Variants in HCN1 observed in about 807,000 individuals in gnomAD.
The protein encoded by HCN1 is potassium/sodium hyperpolarization-activated cyclic nucleotide-gated channel 1.
In HCN1, 13 loss-of-function variants were observed where a neutral mutation model predicts 78.9. The ratio of observed to expected loss-of-function variants is 0.16; its 90% CI spans 0.11 to 0.26. HCN1 has a LOEUF of 0.26. HCN1 is among the 10% of genes least tolerant of loss of function. The pLI, the probability that HCN1 is intolerant of heterozygous loss-of-function variation, is 1.00. For synonymous variants in HCN1, 552 were observed against 455.5 expected (o/e 1.21, Z -2.70); for missense variants, 810 against 1,154.3 (o/e 0.70, Z 4.32).
intron 6 of HCN1, among the ~76,000 whole-genome samples, chr5:45,286,926 G>A (rs1435309081): frequency 6.6e-6 from 1 of 151,836 alleles, no homozygotes; most frequent in Admixed American, 6.6e-5. Flanking sequence ...TTGCTGAACT[G>A]TTCTGACTGA....
Position 45,374,178 on chromosome 5 carries a change from T to TTATATATTATATACATTATATACATAACA in HCN1, c.1231-20961_1231-20933dup, listed in dbSNP as rs1561130352. ...ATATACATTATATACATAATATATA[T>TTATATATTATATACATTATATACATAACA]TATATATTATATACATTATATACAT... On this transcript the variant is annotated intron_variant, in intron 4 of 7. Coordinates refer to ENST00000303230, the MANE Select transcript of HCN1 (RefSeq NM_021072.4). Among the ~76,000 whole-genome samples, 3 of 110,666 alleles carry TTATATATTATATACATTATATACATAACA rather than the reference T, an allele frequency of 2.7e-5. 1 individual carries two copies. The highest frequency in any genetic ancestry group is 3.6e-5 in the Non-Finnish European group (2 of 55,968). The allele number at this position is 110,666 out of a possible 152,430, so 72.6% of individuals were successfully genotyped here.
chr5:45,496,083 A>C lies in HCN1; in HGVS notation c.850-34076T>G, dbSNP rs1161925049. Among the ~76,000 whole-genome samples, 270 of 152,080 alleles carry C rather than the reference A, an allele frequency of 1.8e-3. 1 individual carries two copies. The highest frequency in any genetic ancestry group is 5.9e-3 in the African/African-American group (243 of 41,492). ...TTCTCTTTTTTGGTTGTGTCTCTGC[A>C]CGGCTTTGGTATCAGAATGATGCTG... On this transcript the variant is annotated intron_variant, in intron 2 of 7. Transcript: ENST00000303230.
intron 2 of HCN1, among the ~76,000 whole-genome samples, chr5:45,493,507 A>T (rs1741941612): frequency 6.6e-6 from 1 of 152,064 alleles, no homozygotes; most frequent in Admixed American, 6.6e-5. Context: ...TTGCAATTTT[A>T]AGTTCCTTTT....
intron 6 of HCN1, among the ~76,000 whole-genome samples, chr5:45,285,605 G>C (rs956216732): frequency 6.6e-6 from 1 of 151,810 alleles, no homozygotes; most frequent in Non-Finnish European, 1.5e-5. Context: ...TCATTTTCAT[G>C]GTCCCTGAGA....
intron 6 of HCN1, among the ~76,000 whole-genome samples, chr5:45,278,134 T>C (rs1366915488): frequency 1.3e-5 from 2 of 152,116 alleles, no homozygotes; most frequent in African/African-American, 2.4e-5. Context: ...AGTGCCTGAC[T>C]CATACACATC....
At chr5:45,615,636 A>G (rs1489307335) in intron 2 of HCN1, among the ~76,000 whole-genome samples, 4 of 152,048 alleles carry the variant, frequency 2.6e-5, no homozygotes, top group Non-Finnish European at 5.9e-5. Flanking sequence ...ATAAAGCTAT[A>G]TTAATGATTT....
rs1270336002 is a variant in HCN1, at chr5:45,397,057, T to C, written c.1012-347A>G. 2.6e-5 allele frequency among the ~76,000 whole-genome samples: 4 copies of C among 152,142 alleles called. No individual in the cohort carries two copies. In the South Asian group the frequency reaches 8.3e-4, roughly 32 times the overall value. ...AGGAAATGTGGTCAAATAGTATTAA[T>C]AATATATTTGCAAGCTATGAAATGC... On this transcript the variant is annotated intron_variant, in intron 3 of 7. Coordinates refer to ENST00000303230, the MANE Select transcript of HCN1 (RefSeq NM_021072.4).
chr5:45,415,999 C>T (rs1261215261), intron 3 of HCN1, among the ~76,000 whole-genome samples: 2 of 151,926 alleles, frequency 1.3e-5, no homozygotes, highest in African/African-American at 4.8e-5. Context: ...AAACCAGTAT[C>T]TCTCCTTAAG....
chr5:45,597,123 T>A (rs904886423), intron 2 of HCN1, among the ~76,000 whole-genome samples: 2 of 152,020 alleles, frequency 1.3e-5, no homozygotes, highest in African/African-American at 2.4e-5. Context: ...AAAAAGAGAA[T>A]TTTTTAGACC....
intron 2 of HCN1, among the ~76,000 whole-genome samples, chr5:45,494,014 G>T (rs1054837641): frequency 2.0e-5 from 3 of 152,058 alleles, no homozygotes; most frequent in Non-Finnish European, 4.4e-5. Context: ...TGGACATTTG[G>T]CTTGGTTCCA....
chr5:45,263,579 C>T (rs1218595929), intron 7 of HCN1, among the ~76,000 whole-genome samples: 3 of 152,108 alleles, frequency 2.0e-5, no homozygotes, highest in Non-Finnish European at 4.4e-5. Context: ...AGGACTGTAT[C>T]AGGTTTTGCT....
At chr5:45,324,803 C>T (rs540161742) in intron 5 of HCN1, among the ~76,000 whole-genome samples, 1 of 151,756 alleles carries the variant, frequency 6.6e-6, no homozygotes, top group African/African-American at 2.4e-5. Flanking sequence ...CAATTATAAT[C>T]TCTACGCTGA....
intron 5 of HCN1, among the ~76,000 whole-genome samples, chr5:45,348,810 C>T (rs927029347): frequency 6.6e-6 from 1 of 152,186 alleles, no homozygotes; most frequent in Non-Finnish European, 1.5e-5. Context: ...ATCAATTCAA[C>T]AAGAAGAGCT....
chr5:45,655,722 A>G (rs1242680641), intron 1 of HCN1, among the ~76,000 whole-genome samples: 1 of 152,076 alleles, frequency 6.6e-6, no homozygotes, highest in Non-Finnish European at 1.5e-5. Flanking sequence ...GCTCAAAGTG[A>G]TAGCTCCCTT....
At chr5:45,647,973 A>G (rs1322636180) in intron 1 of HCN1, among the ~76,000 whole-genome samples, 1 of 152,160 alleles carries the variant, frequency 6.6e-6, no homozygotes, top group African/African-American at 2.4e-5. Flanking sequence ...GTTTTATTTA[A>G]ATACAAGCCA....
chr5:45,396,933 C>T (rs892562473), intron 3 of HCN1, among the ~76,000 whole-genome samples: 1 of 152,136 alleles, frequency 6.6e-6, no homozygotes, highest in Non-Finnish European at 1.5e-5. Context: ...CTTACATGCG[C>T]TTTGTCAGTT....
chr5:45,290,630 C>T (rs1745353686), intron 6 of HCN1, among the ~76,000 whole-genome samples: 1 of 151,932 alleles, frequency 6.6e-6, no homozygotes, highest in African/African-American at 2.4e-5. Flanking sequence ...TTTTATAAAA[C>T]TTATTCAATT....
intron 3 of HCN1, among the ~76,000 whole-genome samples, chr5:45,449,783 A>G (rs191547264): frequency 1.8e-3 from 270 of 152,280 alleles, no homozygotes; most frequent in African/African-American, 6.2e-3. Flanking sequence ...TAGAATATGT[A>G]TCATTCTGCC....
At chr5:45,528,385 G>A (rs949374175) in intron 2 of HCN1, among the ~76,000 whole-genome samples, 3 of 151,906 alleles carry the variant, frequency 2.0e-5, no homozygotes, top group Non-Finnish European at 4.4e-5. Flanking sequence ...GGGCTGACTA[G>A]TAGCCTGTAT....
Sources: gnomAD v4.1 joint callset for allele counts (sites outside exome capture counted in the v4.1 genomes callset) on GRCh38, gnomAD v4.1.1 for gene constraint, MANE v1.5 for transcripts, NCBI Gene and HGNC (gene_info 2026-07-23, HGNC 2026-07-21) for gene names.